The following MTMR7 variants were observed in gnomAD, a reference collection of about 807,000 sequenced individuals.
MTMR7 encodes the protein phosphatidylinositol-3-phosphate phosphatase MTMR7.
A neutral mutation model predicts 81.2 loss-of-function variants in MTMR7; 76 were observed. The observed-to-expected ratio is 0.94, with a 90% CI of 0.78 to 1.13. MTMR7 has a LOEUF of 1.13. MTMR7 is among the 50% of genes most tolerant of loss of function. MTMR7 has a pLI of 0.00. For synonymous variants in MTMR7, 372 were observed against 289.8 expected, an observed-to-expected ratio of 1.28 and a Z score of -2.88; for missense variants, 1,044 against 820.0, an observed-to-expected ratio of 1.27 and a Z score of -3.34.
intron 1 of MTMR7, among the ~76,000 whole-genome samples, chr8:17,396,121 G>A (rs1821239267): frequency 1.5e-5 from 1 of 67,944 alleles, no homozygotes; most frequent in African/African-American, 4.2e-5. Flanking sequence ...CCAACATACG[G>A]TTTATAAAAA....
chr8:17,374,330 A>G (rs1235699614), intron 1 of MTMR7, among the ~76,000 whole-genome samples: 1 of 152,200 alleles, frequency 6.6e-6, no homozygotes, highest in East Asian at 1.9e-4. Context: ...TCTACTAAAA[A>G]TACAAAAATT....
At chr8:17,410,769 G>T (rs1475882857) in intron 1 of MTMR7, among the ~76,000 whole-genome samples, 1 of 152,190 alleles carries the variant, frequency 6.6e-6, no homozygotes, top group African/African-American at 2.4e-5. Context: ...GAACACAGAG[G>T]CTGTCATGGA....
At chr8:17,399,670 T>C (rs1821364238) in intron 1 of MTMR7, among the ~76,000 whole-genome samples, 1 of 152,036 alleles carries the variant, frequency 6.6e-6, no homozygotes, top group Non-Finnish European at 1.5e-5. Flanking sequence ...AATAGCCAAA[T>C]GTATTCTGTG....
chr8:17,387,101 C>G (rs1052949245), intron 1 of MTMR7, among the ~76,000 whole-genome samples: 3 of 152,228 alleles, frequency 2.0e-5, no homozygotes, highest in Non-Finnish European at 4.4e-5. Flanking sequence ...ATTCCCAAAG[C>G]AGTCACCAGT....
intron 7 of MTMR7, among the ~76,000 whole-genome samples, chr8:17,330,700 G>A (rs1818956469): frequency 6.6e-6 from 1 of 152,192 alleles, no homozygotes; most frequent in Non-Finnish European, 1.5e-5. Context: ...GTATTGTGGT[G>A]GCTGCTGTTT....
chr8:17,358,833 CA>C (rs1344489202), intron 4 of MTMR7, among the ~76,000 whole-genome samples: 2 of 152,076 alleles, frequency 1.3e-5, no homozygotes, highest in African/African-American at 4.8e-5. Context: ...GGAAATTATA[CA>C]CATAAGGATA....
At chr8:17,325,805 G>T (rs756786167) in intron 7 of MTMR7, among the ~76,000 whole-genome samples, 1 of 152,152 alleles carries the variant, frequency 6.6e-6, no homozygotes, top group African/African-American at 2.4e-5. Context: ...TTTGAATAAA[G>T]AAATTCAGCA....
intron 7 of MTMR7, among the ~76,000 whole-genome samples, chr8:17,323,674 A>G (rs1313166970): frequency 6.6e-6 from 1 of 152,132 alleles, no homozygotes; most frequent in Admixed American, 6.5e-5. Context: ...CACACACCTC[A>G]TGCCAGCTGA....
At chr8:17,380,956 C>T (rs1820738855) in intron 1 of MTMR7, among the ~76,000 whole-genome samples, 1 of 151,802 alleles carries the variant, frequency 6.6e-6, no homozygotes, top group African/African-American at 2.4e-5. Flanking sequence ...TACAAGAGCC[C>T]AAAGATTGAC....
intron 5 of MTMR7, among the ~76,000 whole-genome samples, chr8:17,345,458 C>A (rs1212416926): frequency 6.6e-6 from 1 of 152,218 alleles, no homozygotes; most frequent in Non-Finnish European, 1.5e-5. Flanking sequence ...CTCAGCGCAA[C>A]CTCATGTGCC....
In MTMR7 at chr8:17,326,680, A is replaced by G. The variant is rs1223712535; in HGVS notation, c.865+4470T>C. On this transcript the variant is annotated intron_variant, in intron 7 of 13. Transcript: ENST00000180173. ...CAGGCTGCCATGCTGTGAACAGCCA[A>G]CATGTGGGGCCCTCAGCTGAATTCT... Among the ~76,000 whole-genome samples, 6 of 152,218 alleles carry G rather than the reference A, an allele frequency of 3.9e-5. No homozygotes were observed. The East Asian group carries it at 1.2e-3, about 29-fold the overall frequency.
intron 12 of MTMR7, among the ~76,000 whole-genome samples, chr8:17,303,403 C>G (rs11996598): frequency 0.049 from 7,383 of 152,150 alleles, 226 homozygotes; most frequent in African/African-American, 0.086. Context: ...GAAAAGCCAT[C>G]AAGTCTGTGT....
chr8:17,384,453 AAC>A (rs951529680), intron 1 of MTMR7, among the ~76,000 whole-genome samples: 18 of 152,304 alleles, frequency 1.2e-4, no homozygotes, highest in African/African-American at 4.3e-4. Context: ...ACATATCCAT[AAC>A]ACAGACTTCA....
At position 17,310,790 on chromosome 8, in the gene MTMR7, A is replaced by G. The variant is rs539016782; in HGVS notation, c.1101+721T>C. 2.0e-4 allele frequency among the ~76,000 whole-genome samples: 30 copies of G among 152,322 alleles called. No individual in the cohort carries two copies. In the South Asian group the frequency reaches 6.2e-3, roughly 32 times the overall value. Reference sequence around the variant, plus strand: ...ATTCCATTAGGACTCCTTTGTCAGCATCTTGTGTAGCACGGATTCATGATT... The same window carrying G: ...ATTCCATTAGGACTCCTTTGTCAGCGTCTTGTGTAGCACGGATTCATGATT... On this transcript the variant is annotated intron_variant, in intron 9 of 13. Transcript: ENST00000180173.
At chr8:17,333,074 C>T (rs1250289681) in intron 6 of MTMR7, among the ~76,000 whole-genome samples, 1 of 152,012 alleles carries the variant, frequency 6.6e-6, no homozygotes, top group Non-Finnish European at 1.5e-5. Flanking sequence ...CATAGGAGCC[C>T]AGGCTGGCAG....
chr8:17,318,966 C>A (rs756153178), intron 7 of MTMR7, among the ~76,000 whole-genome samples: 1 of 152,236 alleles, frequency 6.6e-6, no homozygotes, highest in Admixed American at 6.5e-5. Flanking sequence ...CTTCCCTGAT[C>A]GAACTCACCG....
At chr8:17,302,302 C>A in intron 12 of MTMR7, 22 bp from the exon 13 acceptor site, 1 of 1,609,806 alleles carries the variant, frequency 6.2e-7, no homozygotes, top group South Asian at 1.1e-5. Context: ...GGCAAAGCGT[C>A]GTGATACCAC....
chr8:17,373,932 C>T (rs1363762599), intron 1 of MTMR7, among the ~76,000 whole-genome samples: 1 of 152,148 alleles, frequency 6.6e-6, no homozygotes, highest in Admixed American at 6.5e-5. Flanking sequence ...TGAGATCATC[C>T]TAACATGAAA....
intron 4 of MTMR7, 33 bp from the exon 5 acceptor site, chr8:17,349,114 C>T (rs749682337): frequency 6.2e-7 from 1 of 1,606,636 alleles, no homozygotes; most frequent in Non-Finnish European, 8.5e-7. Context: ...GATTTTTAGG[C>T]CATCTAGTAA....
Sources: allele counts gnomAD v4.1 joint callset (sites outside exome capture counted in the v4.1 genomes callset), GRCh38; gene constraint gnomAD v4.1.1; transcripts MANE v1.5; gene names NCBI Gene and HGNC (gene_info 2026-07-23, HGNC 2026-07-21).